IL15: variants seen among roughly 807,000 people sequenced by gnomAD.
The protein encoded by IL15 is interleukin 15, also known as interleukin-15.
Under a neutral mutation model 19.6 loss-of-function variants are expected in IL15, and 11 were observed. The ratio of observed to expected loss-of-function variants is 0.56; its 90% CI spans 0.35 to 0.93. The LOEUF (loss-of-function observed/expected upper bound fraction) is 0.93. Among genes scored for constraint, IL15 ranks in the 40% least tolerant of loss-of-function variants. The pLI, the probability that IL15 is intolerant of heterozygous loss-of-function variation, is 0.01. For synonymous variants in IL15, 58 were observed against 59.6 expected (o/e 0.97, Z 0.12); for missense variants, 197 against 186.5 (o/e 1.06, Z -0.33).
chr4:141,714,189 G>T (rs772435628), intron 2 of IL15, among the ~76,000 whole-genome samples: 5 of 151,950 alleles, frequency 3.3e-5, no homozygotes, highest in African/African-American at 4.8e-5. Flanking sequence ...AGTAATAGTA[G>T]AAAACTTACA....
chr4:141,690,814 T>C (rs114568658), intron 2 of IL15, among the ~76,000 whole-genome samples: 312 of 152,322 alleles, frequency 2.0e-3, no homozygotes, highest in African/African-American at 6.9e-3. Flanking sequence ...ACTCCCTTTA[T>C]CCAACTTTAT....
chr4:141,640,011 T>A (rs1726991303), intron 1 of IL15, among the ~76,000 whole-genome samples: 1 of 152,174 alleles, frequency 6.6e-6, no homozygotes, highest in African/African-American at 2.4e-5. Context: ...CATATATGTG[T>A]GTGTATGTAT....
At chr4:141,729,369 G>C (rs760803073) in intron 6 of IL15, among the ~76,000 whole-genome samples, 1 of 152,044 alleles carries the variant, frequency 6.6e-6, no homozygotes, top group Non-Finnish European at 1.5e-5. Flanking sequence ...GTCCTGCTTT[G>C]ATTTTTCTAA....
In IL15 at chr4:141,728,169, T is replaced by C. The variant is rs528756077; in HGVS notation, c.240+185T>C. On this transcript the variant is annotated intron_variant, in intron 6 of 7. Transcript: ENST00000320650. ...ACTTGGGGACAGATAGCTACATCAATGCTATTTTTGTAATGGTGCCAAATC... is the reference window on the plus strand; with the variant it reads ...ACTTGGGGACAGATAGCTACATCAACGCTATTTTTGTAATGGTGCCAAATC... 1.8e-4 allele frequency among the ~76,000 whole-genome samples: 28 copies of C among 152,214 alleles called. 3 individuals are homozygous for C. In the East Asian group the frequency reaches 5.4e-3, roughly 29 times the overall value.
At chr4:141,670,021 G>T (rs1411729756) in intron 2 of IL15, among the ~76,000 whole-genome samples, 1 of 150,858 alleles carries the variant, frequency 6.6e-6, no homozygotes, top group African/African-American at 2.4e-5. Flanking sequence ...AAAGTGTTTT[G>T]CCCAGAAATA....
intron 7 of IL15, 27 bp downstream of exon 7, chr4:141,730,011 T>C: frequency 6.3e-7 from 1 of 1,576,590 alleles, no homozygotes; most frequent in Non-Finnish European, 8.7e-7. Flanking sequence ...TTGCTTAGAG[T>C]TGCATCTTAT....
intron 1 of IL15, among the ~76,000 whole-genome samples, chr4:141,641,568 A>G (rs1727044216): frequency 6.6e-6 from 1 of 151,958 alleles, no homozygotes; most frequent in Non-Finnish European, 1.5e-5. Flanking sequence ...GGAAACCATC[A>G]TTCTCAGCAA....
At chr4:141,646,982 G>A (rs1727246791) in intron 1 of IL15, among the ~76,000 whole-genome samples, 1 of 152,026 alleles carries the variant, frequency 6.6e-6, no homozygotes, top group African/African-American at 2.4e-5. Context: ...AAATGAATGA[G>A]GGAATGAATG....
chr4:141,667,071 C>T (rs556951265), intron 2 of IL15, among the ~76,000 whole-genome samples: 35 of 152,286 alleles, frequency 2.3e-4, no homozygotes, highest in African/African-American at 8.2e-4. Context: ...CATCCACGTG[C>T]GGGTGGGTGG....
chr4:141,660,051 T>C (rs1284454967), intron 2 of IL15, among the ~76,000 whole-genome samples: 1 of 152,210 alleles, frequency 6.6e-6, no homozygotes, highest in African/African-American at 2.4e-5. Context: ...AATTTGTTCC[T>C]TGGTGAGCTC....
At chr4:141,722,135 C>A in intron 5 of IL15, 127 bp downstream of exon 5, 1 of 1,203,104 alleles carries the variant, frequency 8.3e-7, no homozygotes, top group Non-Finnish European at 1.1e-6. Flanking sequence ...AATTTATGAT[C>A]TTATAAAGCT....
chr4:141,643,204 CA>C, intron 1 of IL15, among the ~76,000 whole-genome samples: 1 of 152,158 alleles, frequency 6.6e-6, no homozygotes, highest in East Asian at 1.9e-4. Context: ...TCTTTCTCTC[CA>C]TCACCATTTT....
rs748105257 is a variant in IL15 at position 141,721,150 on chromosome 4, T to C, written c.110+584T>C. On this transcript the variant is annotated intron_variant, in intron 4 of 7. Transcript: ENST00000320650. ...CAGTTTTACTCTACTAATGCCTTCA[T>C]GGTATTGGGAACCATAGATTTGTGC... 4.3e-6 allele frequency: 6 copies of C among 1,383,396 alleles called. No individual in the cohort carries two copies. In the South Asian group the frequency reaches 5.9e-5, roughly 14 times the overall value. 85.7% of individuals were successfully genotyped at this position (1,383,396 alleles called of 1,614,324 possible). A position where few individuals can be genotyped will look rare whatever the true frequency, so the allele number is the denominator to read the frequency against.
chr4:141,676,824 G>A (rs1197995439), intron 2 of IL15, among the ~76,000 whole-genome samples: 1 of 152,030 alleles, frequency 6.6e-6, no homozygotes, highest in African/African-American at 2.4e-5. Flanking sequence ...GGATCTTGGG[G>A]AAATTCAAGA....
intron 2 of IL15, among the ~76,000 whole-genome samples, chr4:141,666,706 A>G (rs1056042710): frequency 6.6e-6 from 1 of 151,890 alleles, no homozygotes; most frequent in African/African-American, 2.4e-5. Flanking sequence ...AAGGCCATAG[A>G]AACTAAAAAT....
chr4:141,654,778 A>G (rs527497998), intron 1 of IL15, among the ~76,000 whole-genome samples: 2 of 152,318 alleles, frequency 1.3e-5, no homozygotes, highest in Non-Finnish European at 2.9e-5. Context: ...GCGAAGGTGC[A>G]TAAGAGCTGA....
At chr4:141,723,574 A>G (rs1462972153) in intron 5 of IL15, among the ~76,000 whole-genome samples, 1 of 152,210 alleles carries the variant, frequency 6.6e-6, no homozygotes, top group African/African-American at 2.4e-5. Context: ...AGAACTGTAA[A>G]TGAATAGATT....
At chr4:141,648,195 T>C in intron 1 of IL15, among the ~76,000 whole-genome samples, 1 of 151,996 alleles carries the variant, frequency 6.6e-6, no homozygotes, top group South Asian at 2.1e-4. Flanking sequence ...ATTATCAGGG[T>C]CAGGAAGGGA....
At chr4:141,669,744 A>G (rs1379953713) in intron 2 of IL15, among the ~76,000 whole-genome samples, 2 of 151,050 alleles carry the variant, frequency 1.3e-5, no homozygotes, top group Non-Finnish European at 2.9e-5. Flanking sequence ...TTTGTGGACC[A>G]GATGTGGTCT....
Sources: allele counts gnomAD v4.1 joint callset (sites outside exome capture counted in the v4.1 genomes callset), GRCh38; gene constraint gnomAD v4.1.1; transcripts MANE v1.5; gene names NCBI Gene and HGNC (gene_info 2026-07-23, HGNC 2026-07-21).